The following PRPF18 variants were observed in gnomAD, a reference collection of about 807,000 sequenced individuals.
The protein encoded by PRPF18 is pre-mRNA-splicing factor 18.
Under a neutral mutation model 46.5 loss-of-function variants are expected in PRPF18, and 38 were observed. The ratio of observed to expected loss-of-function variants is 0.82; its 90% CI spans 0.63 to 1.07. PRPF18 has a LOEUF of 1.07. PRPF18 is among the 50% of genes least tolerant of loss of function. The pLI, the probability that PRPF18 is intolerant of heterozygous loss-of-function variation, is 0.00. For missense variants in PRPF18, 263 were observed against 410.0 expected, an observed-to-expected ratio of 0.64 and a Z score of 3.10; for synonymous variants, 152 against 146.7, an observed-to-expected ratio of 1.04 and a Z score of -0.26.
At chr10:13,594,963 A>T (rs940314707) in intron 1 of PRPF18, among the ~76,000 whole-genome samples, 10 of 152,358 alleles carry the variant, frequency 6.6e-5, no homozygotes, top group African/African-American at 2.2e-4. Context: ...GCTGATTATT[A>T]AAAGGCTGTG....
In PRPF18 at chr10:13,597,547, T is replaced by A. The variant is rs765143465; in HGVS notation, c.144+12T>A. 1 of 1,605,758 alleles carries A rather than the reference T, an allele frequency of 6.2e-7. No homozygotes were observed. Among genetic ancestry groups the A allele is most frequent in the East Asian group, 2.2e-5 (1 of 44,776 alleles). ...GATGTGGCTACAAGGTATGAATGTC[T>A]GCTTTTATGTTAAATTGTACATTTC... On this transcript the variant is annotated intron_variant, in intron 2 of 9. Transcript: ENST00000378572.
At chr10:13,604,794 T>G (rs757082896) in intron 3 of PRPF18, among the ~76,000 whole-genome samples, 4 of 152,204 alleles carry the variant, frequency 2.6e-5, no homozygotes, top group Non-Finnish European at 5.9e-5. Flanking sequence ...ACAGATTACT[T>G]TTTTCATCTA....
chr10:13,642,485 G>A, the PRPF18 span: 1 of 152,224 alleles, frequency 6.6e-6, no homozygotes, highest in Non-Finnish European at 1.5e-5. Flanking sequence ...CAGGAGTGGG[G>A]TGTTCACTTT....
At chr10:13,591,468 A>G (rs927527078) in intron 1 of PRPF18, 7 of 621,826 alleles carry the variant, frequency 1.1e-5, no homozygotes, top group Non-Finnish European at 1.7e-5. Flanking sequence ...TAGAACACCA[A>G]TTTGTGAGGA....
chr10:13,635,981 A>G, the PRPF18 span, among the ~76,000 whole-genome samples: 1 of 152,262 alleles, frequency 6.6e-6, no homozygotes, highest in Non-Finnish European at 1.5e-5. Flanking sequence ...GGAGACGTCC[A>G]TAGAAGAACC....
At chr10:13,589,297 G>A (rs1275699191) in intron 1 of PRPF18, among the ~76,000 whole-genome samples, 3 of 152,148 alleles carry the variant, frequency 2.0e-5, no homozygotes, top group Non-Finnish European at 4.4e-5. Context: ...TGTAAAAATG[G>A]TATTCCGTGA....
chr10:13,602,801 A>G (rs1475253521), intron 3 of PRPF18, among the ~76,000 whole-genome samples: 5 of 152,122 alleles, frequency 3.3e-5, no homozygotes, highest in Admixed American at 2.0e-4. Flanking sequence ...GGCATGATGT[A>G]GGCTCACTGC....
At chr10:13,631,718 T>C (rs762239608), downstream of PRPF18, 4 of 152,210 alleles carry the variant, frequency 2.6e-5, no homozygotes, top group Non-Finnish European at 5.9e-5. Flanking sequence ...CATGGAAACG[T>C]TGATTAAGCA....
intron 4 of PRPF18, among the ~76,000 whole-genome samples, chr10:13,608,318 C>T (rs527581336): frequency 1.1e-4 from 16 of 152,190 alleles, no homozygotes; most frequent in Non-Finnish European, 1.6e-4. Context: ...GATATCTTGC[C>T]CCTTTCCTGG....
intron 5 of PRPF18, among the ~76,000 whole-genome samples, chr10:13,611,101 G>A (rs756766293): frequency 4.6e-5 from 7 of 151,422 alleles, no homozygotes; most frequent in Non-Finnish European, 7.4e-5. Flanking sequence ...TGAGGAAGAC[G>A]TCATTTTAAT....
the PRPF18 span, chr10:13,651,933 G>C: frequency 6.3e-7 from 1 of 1,596,956 alleles, no homozygotes; most frequent in Non-Finnish European, 8.6e-7. Flanking sequence ...GTGAGGTGGA[G>C]ACTCAGACCC....
chr10:13,654,399 A>G, the PRPF18 span: 15 of 1,523,330 alleles, frequency 9.8e-6, no homozygotes, highest in African/African-American at 1.1e-4. Context: ...AGTGAAGAAC[A>G]TAGAAGGAGA....
Position 13,616,515 on chromosome 10 carries a change from CAT to C in PRPF18, c.911_912del (p.His304ArgfsTer4). 1 of 1,614,116 alleles carries C rather than the reference CAT, an allele frequency of 6.2e-7. No homozygotes were observed. The highest frequency in any genetic ancestry group is 8.5e-7 in the Non-Finnish European group (1 of 1,180,002). On this transcript the variant is annotated frameshift_variant, in exon 9 of 10. Transcript: ENST00000378572. LOFTEE classifies it high-confidence loss of function. ...REKIFSKHVAHVLNDETQRKY... is the reference protein window; with the variant it reads ...REKIFSKHVAXVLNDETQRKY... Reference sequence around the variant, plus strand: ...AAAGATTTTTTCCAAGCATGTTGCACATGTTTTAAATGACGAAACTCAGCGGA... The same window carrying C: ...AAAGATTTTTTCCAAGCATGTTGCACGTTTTAAATGACGAAACTCAGCGGA...
intron 9 of PRPF18, among the ~76,000 whole-genome samples, chr10:13,629,160 A>T (rs2080555713): frequency 6.6e-6 from 1 of 152,228 alleles, no homozygotes; most frequent in South Asian, 2.1e-4. Flanking sequence ...ACTGCTGTAG[A>T]GACAAAAGGC....
chr10:13,590,317 G>A (rs1017897646), intron 1 of PRPF18, among the ~76,000 whole-genome samples: 1 of 151,612 alleles, frequency 6.6e-6, no homozygotes, highest in Non-Finnish European at 1.5e-5. Flanking sequence ...TTAAAATACT[G>A]ACATTCGGCC....
chr10:13,593,141 G>A lies in PRPF18; in HGVS notation c.67-4317G>A, dbSNP rs143222004. ...GAAGGACCAATGGAAGGAATGGCAG[G>A]AACCAACATGGGAGACATTGGAAAA... On this transcript the variant is annotated intron_variant, in intron 1 of 9. Transcript: ENST00000378572. Among the ~76,000 whole-genome samples the A allele has an allele frequency of 1.4e-3, 216 of 152,246 alleles. 1 individual carries two copies. In the Middle Eastern group the frequency reaches 0.031, roughly 22 times the overall value.
chr10:13,602,917 G>C (rs1014160866), intron 3 of PRPF18, among the ~76,000 whole-genome samples: 1 of 152,186 alleles, frequency 6.6e-6, no homozygotes, highest in Admixed American at 6.5e-5. Context: ...ATTTTTAGTA[G>C]AAACGAGGTT....
intron 1 of PRPF18, chr10:13,592,298 G>T (rs1250707534): frequency 7.3e-6 from 3 of 410,566 alleles, no homozygotes; most frequent in South Asian, 7.1e-5. Flanking sequence ...TTTAGTATCC[G>T]GCTTCTCAAC....
Position 13,607,428 on chromosome 10 carries a change from C to T in PRPF18, c.363+1684C>T, listed in dbSNP as rs151263319. ...AGAAGTTTGTGTGTGTGTACACACA[C>T]GCTTTTTGAGACAGGGTCTCACTCT... On this transcript the variant is annotated intron_variant, in intron 4 of 9. Transcript: ENST00000378572. Among the ~76,000 whole-genome samples, 31 of 152,060 alleles carry T rather than the reference C, an allele frequency of 2.0e-4. 1 individual carries two copies. Among genetic ancestry groups the T allele is most frequent in the Admixed American group, 1.2e-3 (18 of 15,266 alleles).
Sources: allele counts gnomAD v4.1 joint callset (sites outside exome capture counted in the v4.1 genomes callset), GRCh38; gene constraint gnomAD v4.1.1; transcripts MANE v1.5; gene names NCBI Gene and HGNC (gene_info 2026-07-23, HGNC 2026-07-21).